TMEM167A: variants seen among roughly 807,000 people sequenced by gnomAD.
The protein encoded by TMEM167A is transmembrane protein 167A, also known as protein kish-A.
A neutral mutation model predicts 11.6 loss-of-function variants in TMEM167A; 8 were observed. That is an observed-to-expected ratio of 0.69 (90% CI 0.40 to 1.24). TMEM167A has a LOEUF of 1.24. Ranked by LOEUF, TMEM167A falls within the 50% of genes most tolerant of loss-of-function variation. TMEM167A has a pLI of 0.01. For missense variants in TMEM167A, 62 were observed against 87.0 expected (o/e 0.71, Z 1.14); for synonymous variants, 22 against 28.0 (o/e 0.79, Z 0.67).
intron 1 of TMEM167A, among the ~76,000 whole-genome samples, chr5:83,072,969 T>C (rs955782399): frequency 6.6e-6 from 1 of 152,206 alleles, no homozygotes; most frequent in African/African-American, 2.4e-5. Context: ...TCATGGATGA[T>C]GCAAAAGCAA....
chr5:83,069,201 ACT>A (rs557763282), intron 1 of TMEM167A, among the ~76,000 whole-genome samples: 2 of 152,166 alleles, frequency 1.3e-5, no homozygotes, highest in East Asian at 1.9e-4. Flanking sequence ...ATGTACTCAG[ACT>A]CTGGTCAAAA....
intron 1 of TMEM167A, among the ~76,000 whole-genome samples, chr5:83,073,528 G>C (rs1240491649): frequency 6.6e-6 from 1 of 152,192 alleles, no homozygotes; most frequent in Admixed American, 6.5e-5. Flanking sequence ...AAACAAGTAA[G>C]ATAGCTGGCT....
At chr5:83,057,262 C>G in intron 3 of TMEM167A, 108 bp from the exon 4 acceptor site, 1 of 1,016,040 alleles carries the variant, frequency 9.8e-7, no homozygotes, top group Non-Finnish European at 1.5e-6. Flanking sequence ...CTAGGAGGCC[C>G]GCACATTGGG....
At chr5:83,072,604 T>C (rs978558378) in intron 1 of TMEM167A, among the ~76,000 whole-genome samples, 6 of 152,018 alleles carry the variant, frequency 3.9e-5, no homozygotes, top group African/African-American at 1.2e-4. Context: ...TCTCGGCTCA[T>C]TGCAACCTCC....
chr5:83,073,000 G>C (rs1744585857), intron 1 of TMEM167A, among the ~76,000 whole-genome samples: 1 of 152,160 alleles, frequency 6.6e-6, no homozygotes, highest in Non-Finnish European at 1.5e-5. Flanking sequence ...AGAATTATCT[G>C]AACTGCTACC....
rs1744317467 is a variant in TMEM167A at position 83,055,589 on chromosome 5, A to T, written c.*1495T>A. The T allele has an allele frequency of 6.6e-6, 1 of 151,990 alleles. No individual in the cohort carries two copies. Among genetic ancestry groups the T allele is most frequent in the Non-Finnish European group, 1.5e-5 (1 of 67,942 alleles). 9.4% of individuals were successfully genotyped at this position (151,990 alleles called of 1,614,324 possible). On this transcript the variant is annotated 3_prime_UTR_variant, in exon 4 of 4. Transcript: ENST00000502346. ...AAACCAAAACCAAACCAAAACAAAC[A>T]AACAAAAAATCCCCAGATAACAAAA...
chr5:83,060,408 A>G (rs149731208), intron 3 of TMEM167A, among the ~76,000 whole-genome samples: 396 of 152,304 alleles, frequency 2.6e-3, no homozygotes, highest in African/African-American at 8.8e-3. Context: ...CTTTGGTTAT[A>G]CAAATGATTC....
chr5:83,063,019 T>C (rs963963770), intron 2 of TMEM167A, among the ~76,000 whole-genome samples: 1 of 152,026 alleles, frequency 6.6e-6, no homozygotes, highest in Admixed American at 6.6e-5. Flanking sequence ...CAACCATCAA[T>C]GTATAGAAAC....
rs1207603506 is a variant in TMEM167A at position 83,052,973 on chromosome 5, G to A, written c.*4111C>T. On this transcript the variant is annotated 3_prime_UTR_variant, in exon 4 of 4. Transcript: ENST00000502346. The stretch of plus-strand genomic sequence containing the variant: ...ACCTCCCCCTTTTTTTCTGATATTG[G>A]AGTAGCATTTCAGATTTTGGAGATT... 1 of 151,824 alleles carries A rather than the reference G, an allele frequency of 6.6e-6. No homozygotes were observed. Among genetic ancestry groups the A allele is most frequent in the African/African-American group, 2.4e-5 (1 of 41,464 alleles). 9.4% of individuals were successfully genotyped at this position (151,824 alleles called of 1,614,324 possible). A position where few individuals can be genotyped will look rare whatever the true frequency, so the allele number is the denominator to read the frequency against.
chr5:83,058,634 T>C (rs953419654), intron 3 of TMEM167A, among the ~76,000 whole-genome samples: 11 of 152,066 alleles, frequency 7.2e-5, no homozygotes, highest in Non-Finnish European at 2.9e-5. Flanking sequence ...CCTCATCTCA[T>C]AGAGTCTTAT....
intron 1 of TMEM167A, 28 bp from the exon 2 acceptor site, chr5:83,065,145 T>G: frequency 1.5e-6 from 2 of 1,375,924 alleles, no homozygotes; most frequent in Non-Finnish European, 2.0e-6. Context: ...AAAGAAAAAT[T>G]AATATCAAGA....
In TMEM167A at chr5:83,077,364, G is replaced by T. The variant is rs538988239; in HGVS notation, c.-41C>A. On this transcript the variant is annotated 5_prime_UTR_variant, in exon 1 of 4. Transcript: ENST00000502346. ...GCCGCAGCCACATCACCCTTCCGGG[G>T]CTCAGGCGGAAGAGGCTGCATGTCC... 2.5e-6 allele frequency: 4 copies of T among 1,614,128 alleles called. No individual in the cohort carries two copies. The highest frequency in any genetic ancestry group is 1.7e-5 in the Admixed American group (1 of 59,998).
rs755198282 is a variant in TMEM167A, at chr5:83,064,205, T to G, written c.113+803A>C. 7.7e-6 allele frequency: 4 copies of G among 516,412 alleles called. No homozygotes were observed. The East Asian group carries it at 2.2e-4, about 28-fold the overall frequency. 32.0% of individuals were successfully genotyped at this position (516,412 alleles called of 1,614,324 possible). A position where few individuals can be genotyped will look rare whatever the true frequency, so the allele number is the denominator to read the frequency against. ...AATAGGCATGCTCTTTTTGGTCTTT[T>G]ATGTTGGAGAAATATACTACCACTC... On this transcript the variant is annotated intron_variant, in intron 2 of 3. Coordinates refer to ENST00000502346, the MANE Select transcript of TMEM167A (RefSeq NM_174909.5).
intron 1 of TMEM167A, among the ~76,000 whole-genome samples, chr5:83,067,792 C>T (rs1007307376): frequency 1.3e-5 from 2 of 152,000 alleles, no homozygotes; most frequent in Non-Finnish European, 2.9e-5. Flanking sequence ...GGATTACAGG[C>T]GTGAGCCATC....
chr5:83,061,512 G>A (rs575702665), intron 3 of TMEM167A, among the ~76,000 whole-genome samples: 1 of 152,098 alleles, frequency 6.6e-6, no homozygotes, highest in African/African-American at 2.4e-5. Context: ...GGGTTCAAGA[G>A]ATCCTTCTGC....
chr5:83,066,252 C>G (rs1443374643), intron 1 of TMEM167A, among the ~76,000 whole-genome samples: 1 of 152,100 alleles, frequency 6.6e-6, no homozygotes, highest in Non-Finnish European at 1.5e-5. Flanking sequence ...CAGCAATATG[C>G]TTGTTTAGTA....
At chr5:83,062,326 A>C (rs1580174191) in intron 2 of TMEM167A, among the ~76,000 whole-genome samples, 2 of 152,076 alleles carry the variant, frequency 1.3e-5, no homozygotes, top group African/African-American at 4.8e-5. Context: ...AAACACTCTT[A>C]TAATAAACTT....
At chr5:83,063,694 C>T (rs1197917670) in intron 2 of TMEM167A, among the ~76,000 whole-genome samples, 1 of 151,936 alleles carries the variant, frequency 6.6e-6, no homozygotes, top group African/African-American at 2.4e-5. Context: ...CCCAATTTTA[C>T]TTACACATGC....
intron 1 of TMEM167A, among the ~76,000 whole-genome samples, chr5:83,076,586 C>A (rs1367919924): frequency 2.6e-5 from 4 of 152,208 alleles, no homozygotes; most frequent in African/African-American, 9.6e-5. Flanking sequence ...TGAACATAGG[C>A]TCATAATTTT....
Sources: gnomAD v4.1 joint callset for allele counts (sites outside exome capture counted in the v4.1 genomes callset) on GRCh38, gnomAD v4.1.1 for gene constraint, MANE v1.5 for transcripts, NCBI Gene and HGNC (gene_info 2026-07-23, HGNC 2026-07-21) for gene names.